Variants in NCAM2 observed in about 807,000 individuals in gnomAD.
NCAM2 encodes N-CAM-2.
Under a neutral mutation model 98.1 loss-of-function variants are expected in NCAM2, and 30 were observed. The ratio of observed to expected loss-of-function variants is 0.31; its 90% CI spans 0.23 to 0.41. NCAM2 has a LOEUF of 0.41. Ranked by LOEUF, NCAM2 falls within the 10% of genes least tolerant of loss-of-function variation. The pLI, the probability that NCAM2 is intolerant of heterozygous loss-of-function variation, is 1.00. For missense variants in NCAM2, 867 were observed against 1,005.8 expected, an observed-to-expected ratio of 0.86 and a Z score of 1.87; for synonymous variants, 368 against 342.4, an observed-to-expected ratio of 1.07 and a Z score of -0.83.
At chr21:21,421,671 C>T (rs920607424) in intron 11 of NCAM2, among the ~76,000 whole-genome samples, 17 of 152,188 alleles carry the variant, frequency 1.1e-4, no homozygotes, top group South Asian at 8.3e-4. Context: ...AGATGTAAGA[C>T]ATTTATTATA....
intron 1 of NCAM2, among the ~76,000 whole-genome samples, chr21:21,044,199 C>T (rs766068398): frequency 6.6e-6 from 1 of 152,086 alleles, no homozygotes; most frequent in Admixed American, 6.5e-5. Flanking sequence ...TATCTTATTG[C>T]AGGTTTGTGT....
intron 1 of NCAM2, among the ~76,000 whole-genome samples, chr21:21,098,867 A>G (rs1006296323): frequency 1.3e-5 from 2 of 151,768 alleles, no homozygotes; most frequent in Non-Finnish European, 2.9e-5. Context: ...GCAGGCCACA[A>G]TTTTCAGCAA....
rs917741813 is a variant in NCAM2, at chr21:21,538,045, T to G, written c.*88T>G. On this transcript the variant is annotated 3_prime_UTR_variant, in exon 18 of 18. Transcript: ENST00000400546. The stretch of plus-strand genomic sequence containing the variant: ...CCAAAACTATTCCATTGACCTTAAT[T>G]TCTTGGGAAACTTCTAGCTTGGAAT... 4 of 681,668 alleles carry G rather than the reference T, an allele frequency of 5.9e-6. No individual in the cohort carries two copies. In the African/African-American group the frequency reaches 7.4e-5, roughly 13 times the overall value. The allele number at this position is 681,668 out of a possible 1,614,324, so 42.2% of individuals were successfully genotyped here. A position where few individuals can be genotyped will look rare whatever the true frequency, so the allele number is the denominator to read the frequency against.
At chr21:21,404,239 C>G (rs556245851) in intron 9 of NCAM2, among the ~76,000 whole-genome samples, 1 of 152,222 alleles carries the variant, frequency 6.6e-6, no homozygotes, top group Non-Finnish European at 1.5e-5. Flanking sequence ...TAAACAATAT[C>G]AACATATGTC....
At chr21:21,532,333 G>A (rs2826880) in intron 16 of NCAM2, among the ~76,000 whole-genome samples, 70,972 of 151,646 alleles carry the variant, frequency 0.47, 17,008 homozygotes, top group African/African-American at 0.51. Context: ...AAAAATAACT[G>A]TATGCATTTG....
intron 11 of NCAM2, among the ~76,000 whole-genome samples, chr21:21,427,453 T>C (rs776717899): frequency 1.3e-5 from 2 of 152,142 alleles, no homozygotes; most frequent in Non-Finnish European, 2.9e-5. Flanking sequence ...ATTGGTTACA[T>C]TGAAGCATTA....
chr21:21,310,563 T>C (rs1305618804), intron 5 of NCAM2, among the ~76,000 whole-genome samples: 1 of 152,232 alleles, frequency 6.6e-6, no homozygotes, highest in Non-Finnish European at 1.5e-5. Context: ...AACTGACTTC[T>C]CCAGGAGGAT....
intron 9 of NCAM2, among the ~76,000 whole-genome samples, chr21:21,409,010 A>ACTT (rs879794267): frequency 4.0e-5 from 6 of 151,286 alleles, no homozygotes; most frequent in South Asian, 2.1e-4. Context: ...TTTAAAAGTT[A>ACTT]AATGACTTAA....
intron 1 of NCAM2, among the ~76,000 whole-genome samples, chr21:21,200,146 A>C (rs981666545): frequency 6.6e-6 from 1 of 152,132 alleles, no homozygotes; most frequent in Non-Finnish European, 1.5e-5. Context: ...TAAAGTTAAG[A>C]TGGGACTAAC....
chr21:21,304,898 C>T (rs1481128315), intron 5 of NCAM2, among the ~76,000 whole-genome samples: 1 of 152,118 alleles, frequency 6.6e-6, no homozygotes, highest in Non-Finnish European at 1.5e-5. Context: ...TTATAAACCA[C>T]ATTTTAATTG....
chr21:21,530,604 T>C (rs1044696057), intron 16 of NCAM2, among the ~76,000 whole-genome samples: 2 of 151,550 alleles, frequency 1.3e-5, no homozygotes, highest in African/African-American at 2.4e-5. Context: ...TATACATATA[T>C]AAATTTTAGC....
chr21:21,075,372 A>G (rs901103667), intron 1 of NCAM2, among the ~76,000 whole-genome samples: 2 of 152,138 alleles, frequency 1.3e-5, no homozygotes, highest in Non-Finnish European at 2.9e-5. Flanking sequence ...AATACAGTTC[A>G]TTTTCTTATA....
intron 15 of NCAM2, among the ~76,000 whole-genome samples, chr21:21,493,178 T>C (rs539728172): frequency 6.6e-6 from 1 of 152,082 alleles, no homozygotes; most frequent in African/African-American, 2.4e-5. Context: ...TATGGTTCAC[T>C]GCTGAATTCT....
chr21:21,236,895 G>C (rs954566509), intron 1 of NCAM2, among the ~76,000 whole-genome samples: 1 of 152,052 alleles, frequency 6.6e-6, no homozygotes, highest in Non-Finnish European at 1.5e-5. Flanking sequence ...GGCAGAGTTG[G>C]ACGTTTAGGA....
chr21:21,370,037 T>C (rs1251027580), intron 8 of NCAM2, among the ~76,000 whole-genome samples: 3 of 151,930 alleles, frequency 2.0e-5, no homozygotes, highest in South Asian at 4.1e-4. Context: ...TCTTGGCATT[T>C]TAATAGTTTT....
chr21:21,150,007 G>A (rs146406597), intron 1 of NCAM2, among the ~76,000 whole-genome samples: 1 of 152,158 alleles, frequency 6.6e-6, no homozygotes, highest in African/African-American at 2.4e-5. Context: ...TTCCACAACG[G>A]TTGAACTAAT....
chr21:21,514,054 C>T (rs1261725940), intron 16 of NCAM2, among the ~76,000 whole-genome samples: 2 of 151,540 alleles, frequency 1.3e-5, no homozygotes, highest in Non-Finnish European at 2.9e-5. Context: ...ATACAACATG[C>T]TCTACATATA....
chr21:21,202,835 A>G (rs1371626144), intron 1 of NCAM2, among the ~76,000 whole-genome samples: 1 of 152,264 alleles, frequency 6.6e-6, no homozygotes, highest in African/African-American at 2.4e-5. Context: ...TTAAATATTT[A>G]TAAGTGGATA....
In NCAM2 at chr21:21,534,612, C is replaced by T. The variant is rs969177200; in HGVS notation, c.2358C>T (p.Ser786=). Reference sequence around the variant, plus strand: ...GAGTTACTAATCACGAAGATGGGAGCCCAGTAAATGAGCCAAATGAAACCA... The same window carrying T: ...GAGTTACTAATCACGAAGATGGGAGTCCAGTAAATGAGCCAAATGAAACCA... ...DERVTNHEDG[S]PVNEPNETTP... is the part of the protein sequence containing the mutation. The change falls in exon 17 of 18, where the codon AGC becomes AGT. Residue 786 remains serine, a synonymous_variant. Coordinates refer to ENST00000400546, the MANE Select transcript of NCAM2 (RefSeq NM_004540.5). 1.2e-6 allele frequency: 2 copies of T among 1,610,472 alleles called. No individual in the cohort carries two copies. The highest frequency in any genetic ancestry group is 2.2e-5 in the South Asian group (2 of 90,818).
Sources: allele counts gnomAD v4.1 joint callset (sites outside exome capture counted in the v4.1 genomes callset), GRCh38; gene constraint gnomAD v4.1.1; transcripts MANE v1.5; gene names NCBI Gene and HGNC (gene_info 2026-07-23, HGNC 2026-07-21).